CAST: variants seen among roughly 807,000 people sequenced by gnomAD.
CAST encodes the protein MIR583 host.
CAST carries 76 observed loss-of-function variants against 119.6 expected under a neutral mutation model. That is an observed-to-expected ratio of 0.64 (90% CI 0.53 to 0.77). CAST has a LOEUF of 0.77. Ranked by LOEUF, CAST falls within the 30% of genes least tolerant of loss-of-function variation. CAST has a pLI of 0.00. For synonymous variants in CAST, 319 were observed against 331.6 expected (o/e 0.96, Z 0.41); for missense variants, 953 against 946.5 (o/e 1.01, Z -0.09).
intron 28 of CAST, 37 bp from the exon 29 acceptor site, chr5:96,767,870 G>C: frequency 1.4e-6 from 2 of 1,396,478 alleles, no homozygotes; most frequent in Non-Finnish European, 2.0e-6. Context: ...TTTGCCTTCT[G>C]CTTCTTCACT....
At chr5:96,561,796 G>GTTT (rs11375615) in intron 1 of CAST, among the ~76,000 whole-genome samples, 18 of 97,412 alleles carry the variant, frequency 1.8e-4, no homozygotes, top group African/African-American at 2.7e-4. Flanking sequence ...GTTTTTTTTT[G>GTTT]TTTTTTTTTT....
chr5:96,727,407 G>T, intron 5 of CAST, 82 bp from the exon 6 acceptor site: 1 of 694,440 alleles, frequency 1.4e-6, no homozygotes, highest in South Asian at 2.0e-5. Context: ...CTCAGTTGAA[G>T]AAAATCTGTG....
the CAST span, among the ~76,000 whole-genome samples, chr5:95,964,661 T>G: frequency 6.6e-6 from 1 of 152,152 alleles, no homozygotes; most frequent in Non-Finnish European, 1.5e-5. Context: ...CAACTAAAAA[T>G]GATCTTCATG....
At chr5:96,318,048 C>T in the CAST span, among the ~76,000 whole-genome samples, 1 of 152,132 alleles carries the variant, frequency 6.6e-6, no homozygotes, top group Non-Finnish European at 1.5e-5. Context: ...AACAATAGCT[C>T]AATGGCTTGA....
intron 18 of CAST, among the ~76,000 whole-genome samples, chr5:96,747,880 GA>G (rs1228500798): frequency 6.6e-6 from 1 of 152,134 alleles, no homozygotes; most frequent in Non-Finnish European, 1.5e-5. Flanking sequence ...TTACAGTGAG[GA>G]AATTGAGACA....
chr5:96,482,858 T>G, the CAST span, among the ~76,000 whole-genome samples: 1 of 152,144 alleles, frequency 6.6e-6, no homozygotes, highest in African/African-American at 2.4e-5. Flanking sequence ...GAAAAAATCC[T>G]GTTAAACATT....
intron 1 of CAST, among the ~76,000 whole-genome samples, chr5:96,643,779 A>G (rs1056974025): frequency 1.3e-5 from 2 of 152,216 alleles, no homozygotes; most frequent in East Asian, 3.8e-4. Context: ...AGGCTGAAGC[A>G]GGAGAATCGC....
At chr5:96,643,724 T>C (rs999577527) in intron 1 of CAST, among the ~76,000 whole-genome samples, 1 of 151,996 alleles carries the variant, frequency 6.6e-6, no homozygotes, top group Admixed American at 6.6e-5. Context: ...AATATAAAAA[T>C]TAGCTGGGTG....
the CAST span, among the ~76,000 whole-genome samples, chr5:96,350,160 A>G: frequency 6.6e-6 from 1 of 152,176 alleles, no homozygotes; most frequent in Admixed American, 6.6e-5. Context: ...GCCTTTCTCC[A>G]AAGATAATTT....
At chr5:96,387,113 C>T in the CAST span, among the ~76,000 whole-genome samples, 15 of 152,120 alleles carry the variant, frequency 9.9e-5, no homozygotes, top group African/African-American at 2.9e-4. Flanking sequence ...TGAGGTAACC[C>T]GCTCAATGGC....
chr5:96,752,723 G>A (rs1249375655), intron 20 of CAST, among the ~76,000 whole-genome samples: 3 of 151,554 alleles, frequency 2.0e-5, no homozygotes, highest in Non-Finnish European at 4.4e-5. Flanking sequence ...TGAAATCATG[G>A]CTAAAATATA....
chr5:96,463,681 T>C, the CAST span, among the ~76,000 whole-genome samples: 1 of 152,086 alleles, frequency 6.6e-6, no homozygotes, highest in African/African-American at 2.4e-5. Context: ...TTGTCAGTCA[T>C]ATTTGGATTA....
chr5:96,367,653 G>C, the CAST span, among the ~76,000 whole-genome samples: 1 of 152,100 alleles, frequency 6.6e-6, no homozygotes, highest in Non-Finnish European at 1.5e-5. Context: ...CTGATGTGTC[G>C]TTTGCTAAGA....
chr5:96,670,706 C>T (rs990448226), intron 1 of CAST, among the ~76,000 whole-genome samples: 2 of 152,220 alleles, frequency 1.3e-5, no homozygotes, highest in African/African-American at 4.8e-5. Context: ...CCATATTGGC[C>T]AGGCTGGTCT....
chr5:96,384,446 T>C, the CAST span, among the ~76,000 whole-genome samples: 1 of 152,228 alleles, frequency 6.6e-6, no homozygotes, highest in Admixed American at 6.5e-5. Context: ...CTATCTCTTA[T>C]GGACATACGT....
At chr5:96,530,801 T>C (rs1161225303) in intron 1 of CAST, among the ~76,000 whole-genome samples, 1 of 152,080 alleles carries the variant, frequency 6.6e-6, no homozygotes, top group Non-Finnish European at 1.5e-5. Flanking sequence ...TTTTTAAAAA[T>C]TTTCTCTTGA....
At chr5:96,010,078 G>C in the CAST span, among the ~76,000 whole-genome samples, 1 of 152,052 alleles carries the variant, frequency 6.6e-6, no homozygotes, top group Non-Finnish European at 1.5e-5. Context: ...GTTTTTGTCA[G>C]CCTTGTCAAA....
intron 11 of CAST, among the ~76,000 whole-genome samples, chr5:96,739,835 A>T (rs1762338004): frequency 6.6e-6 from 1 of 152,256 alleles, no homozygotes; most frequent in African/African-American, 2.4e-5. Flanking sequence ...CTAGCATTAC[A>T]TATGAGTTAA....
chr5:96,424,623 G>A, the CAST span, among the ~76,000 whole-genome samples: 4 of 152,172 alleles, frequency 2.6e-5, no homozygotes, highest in African/African-American at 9.7e-5. Context: ...AAATGCACAA[G>A]TGTTAACTGA....
Sources: allele counts gnomAD v4.1 joint callset (sites outside exome capture counted in the v4.1 genomes callset), GRCh38; gene constraint gnomAD v4.1.1; transcripts MANE v1.5; gene names NCBI Gene and HGNC (gene_info 2026-07-23, HGNC 2026-07-21).